Variants in UBE2Q2 observed in about 807,000 individuals in gnomAD.
The protein encoded by UBE2Q2 is ubiquitin conjugating enzyme E2 Q2.
Under a neutral mutation model 59.9 loss-of-function variants are expected in UBE2Q2, and 54 were observed. The ratio of observed to expected loss-of-function variants is 0.90; its 90% confidence interval spans 0.72 to 1.13. The LOEUF (loss-of-function observed/expected upper bound fraction) is 1.13. Among genes scored for constraint, UBE2Q2 ranks in the 50% most tolerant of loss-of-function variants. The probability of loss-of-function intolerance (pLI) is 0.00; values close to 1 mark genes in which losing one functional copy is unlikely to be tolerated. For missense variants in UBE2Q2, 433 were observed against 441.9 expected, an observed-to-expected ratio of 0.98 and a Z score of 0.18; for synonymous variants, 165 against 155.2, an observed-to-expected ratio of 1.06 and a Z score of -0.47.
At chr15:75,878,379 C>A in intron 7 of UBE2Q2, 1 of 171,548 alleles carries the variant, frequency 5.8e-6, no homozygotes, top group Non-Finnish European at 1.2e-5. Context: ...ATCTCTTGAG[C>A]CCAGGAGTTT....
intron 4 of UBE2Q2, among the ~76,000 whole-genome samples, chr15:75,869,346 T>A (rs1455673624): frequency 6.6e-6 from 1 of 152,198 alleles, no homozygotes; most frequent in African/African-American, 2.4e-5. Context: ...AATTTTATGT[T>A]TGCATAAAAG....
rs148852252 is a variant in UBE2Q2 at position 75,850,918 on chromosome 15, C to T, written c.181-3468C>T. Among the ~76,000 whole-genome samples the T allele has an allele frequency of 5.9e-3, 891 of 152,206 alleles. 10 individuals carry two copies. Among genetic ancestry groups the T allele is most frequent in the African/African-American group, 0.02 (842 of 41,526 alleles). On this transcript the variant is annotated intron_variant, in intron 1 of 12. Transcript: ENST00000267938. ...ACATATTATTATAAATGTGCTTTTA[C>T]GAAACAAAATTTTCTAAGCCAAAAA...
intron 1 of UBE2Q2, among the ~76,000 whole-genome samples, chr15:75,853,825 T>C (rs1012080711): frequency 1.3e-5 from 2 of 152,154 alleles, no homozygotes; most frequent in Admixed American, 6.5e-5. Flanking sequence ...GTTGGCAGGA[T>C]TCATCTCACA....
chr15:75,897,082 G>T, intron 12 of UBE2Q2, 21 bp downstream of exon 12: 1 of 1,425,876 alleles, frequency 7.0e-7, no homozygotes. Context: ...TTCAATAAGT[G>T]TTTATTGCCA....
chr15:75,870,860 G>C (rs1333504759), intron 4 of UBE2Q2, among the ~76,000 whole-genome samples: 1 of 152,152 alleles, frequency 6.6e-6, no homozygotes, highest in African/African-American at 2.4e-5. Context: ...TATTTGAAGG[G>C]GTGGGTTGCC....
At chr15:75,893,684 T>C (rs1313295363) in intron 11 of UBE2Q2, among the ~76,000 whole-genome samples, 1 of 152,118 alleles carries the variant, frequency 6.6e-6, no homozygotes, top group Non-Finnish European at 1.5e-5. Flanking sequence ...ATCCATAAAA[T>C]CAGACGATTT....
chr15:75,869,080 C>A, intron 4 of UBE2Q2, 70 bp downstream of exon 4: 2 of 1,289,626 alleles, frequency 1.6e-6, no homozygotes, highest in Non-Finnish European at 1.1e-6. Context: ...ATTCTCAAAT[C>A]TTTTTTATAG....
At chr15:75,866,660 T>TA (rs1473580849) in intron 3 of UBE2Q2, among the ~76,000 whole-genome samples, 1 of 152,088 alleles carries the variant, frequency 6.6e-6, no homozygotes, top group East Asian at 1.9e-4. Flanking sequence ...CCCCATCTCC[T>TA]TTTTTTCTCT....
chr15:75,886,093 T>C (rs984878308), intron 9 of UBE2Q2, among the ~76,000 whole-genome samples: 4 of 151,472 alleles, frequency 2.6e-5, no homozygotes, highest in African/African-American at 7.3e-5. Flanking sequence ...CCTTTACTGA[T>C]TGGGGAGAAA....
intron 1 of UBE2Q2, among the ~76,000 whole-genome samples, 185 bp from the exon 2 acceptor site, chr15:75,854,201 G>C (rs1436570649): frequency 1.3e-5 from 2 of 152,186 alleles, no homozygotes; most frequent in African/African-American, 2.4e-5. Context: ...GCAACAGACA[G>C]TGCTATGCAA....
intron 6 of UBE2Q2, 59 bp downstream of exon 6, chr15:75,876,330 A>T: frequency 3.5e-6 from 5 of 1,416,828 alleles, no homozygotes; most frequent in Non-Finnish European, 4.9e-6. Flanking sequence ...CTATTGTCAG[A>T]TTATAAATGT....
At chr15:75,854,227 C>G (rs530793822) in intron 1 of UBE2Q2, among the ~76,000 whole-genome samples, 159 bp from the exon 2 acceptor site, 1 of 152,280 alleles carries the variant, frequency 6.6e-6, no homozygotes, top group Admixed American at 6.5e-5. Flanking sequence ...ATGGTTGTCT[C>G]AAAAGTCCAG....
At chr15:75,853,921 C>T (rs1896769279) in intron 1 of UBE2Q2, among the ~76,000 whole-genome samples, 1 of 152,112 alleles carries the variant, frequency 6.6e-6, no homozygotes. Flanking sequence ...CTCCATAGGG[C>T]ACCTCATCAC....
intron 4 of UBE2Q2, 84 bp downstream of exon 4, chr15:75,869,094 A>G (rs1897654818): frequency 1.8e-6 from 2 of 1,132,116 alleles, no homozygotes; most frequent in South Asian, 1.4e-5. Flanking sequence ...TTTATAGACT[A>G]CTATTAATGT....
Position 75,854,412 on chromosome 15 carries a change from A to G in UBE2Q2, c.207A>G (p.Ile69Met), listed in dbSNP as rs771190221. 6.2e-7 allele frequency: 1 copy of G among 1,613,262 alleles called. No individual in the cohort carries two copies. Among genetic ancestry groups the G allele is most frequent in the East Asian group, 2.2e-5 (1 of 44,818 alleles). Residue 69 changes from isoleucine to methionine, a missense_variant, in exon 2 of 13, where the codon ATA (isoleucine) becomes ATG (methionine). Coordinates refer to ENST00000267938, the MANE Select transcript of UBE2Q2 (RefSeq NM_173469.4). ...AATCCTATCCATCTTCTTCACCGAT[A>G]TGGTTTGTGGATTCTGAAGACCCAA... ...ITESYPSSSP[I>M]WFVDSEDPNL...
intron 3 of UBE2Q2, among the ~76,000 whole-genome samples, chr15:75,867,062 C>T (rs989518787): frequency 7.9e-5 from 12 of 152,198 alleles, no homozygotes; most frequent in African/African-American, 2.7e-4. Flanking sequence ...AGAATTGTCA[C>T]TCTTTTCTAC....
At chr15:75,846,961 C>G (rs1283839272) in intron 1 of UBE2Q2, among the ~76,000 whole-genome samples, 1 of 152,172 alleles carries the variant, frequency 6.6e-6, no homozygotes, top group East Asian at 1.9e-4. Flanking sequence ...TAACCTTACC[C>G]CATTTGTCTT....
At chr15:75,877,704 TC>T (rs1246193946) in intron 6 of UBE2Q2, among the ~76,000 whole-genome samples, 1 of 152,234 alleles carries the variant, frequency 6.6e-6, no homozygotes, top group African/African-American at 2.4e-5. Context: ...TTTTGCATAA[TC>T]TTTTTTTCAG....
chr15:75,857,696 A>G (rs1161691727), intron 2 of UBE2Q2, among the ~76,000 whole-genome samples: 1 of 152,048 alleles, frequency 6.6e-6, no homozygotes, highest in Non-Finnish European at 1.5e-5. Context: ...GTCCACCAAT[A>G]AAGAGTTGGT....
Sources: allele counts gnomAD v4.1 joint callset (sites outside exome capture counted in the v4.1 genomes callset), GRCh38; gene constraint gnomAD v4.1.1; transcripts MANE v1.5; gene names NCBI Gene and HGNC (gene_info 2026-07-23, HGNC 2026-07-21).